PAM: variants seen among roughly 807,000 people sequenced by gnomAD.
PAM encodes the protein peptidyl-glycine alpha-amidating monooxygenase.
Under a neutral mutation model 122.1 loss-of-function variants are expected in PAM, and 72 were observed. The ratio of observed to expected loss-of-function variants is 0.59; its 90% CI spans 0.49 to 0.72. The LOEUF is 0.72. Ranked by LOEUF, PAM falls within the 30% of genes least tolerant of loss-of-function variation. PAM has a pLI of 0.00. For synonymous variants in PAM, 389 were observed against 404.4 expected, an observed-to-expected ratio of 0.96 and a Z score of 0.46; for missense variants, 1,106 against 1,183.7, an observed-to-expected ratio of 0.93 and a Z score of 0.96.
At chr5:102,807,231 T>G (rs1766482040) in intron 1 of PAM, among the ~76,000 whole-genome samples, 1 of 152,210 alleles carries the variant, frequency 6.6e-6, no homozygotes, top group Non-Finnish European at 1.5e-5. Context: ...AATTATATAC[T>G]TATTAAAGTG....
intron 4 of PAM, among the ~76,000 whole-genome samples, chr5:102,911,459 A>G (rs1265837283): frequency 6.6e-6 from 1 of 152,024 alleles, no homozygotes; most frequent in Non-Finnish European, 1.5e-5. Flanking sequence ...AGAGCAAATA[A>G]ATAAGTGGTA....
intron 1 of PAM, among the ~76,000 whole-genome samples, chr5:102,820,643 G>A (rs1377338703): frequency 6.6e-6 from 1 of 152,134 alleles, no homozygotes; most frequent in South Asian, 2.1e-4. Context: ...CTAGATTAGT[G>A]AGGAATACAC....
chr5:102,910,235 C>A (rs1188126704), intron 4 of PAM, among the ~76,000 whole-genome samples: 3 of 151,844 alleles, frequency 2.0e-5, no homozygotes, highest in Non-Finnish European at 4.4e-5. Context: ...GCTTAAAAAG[C>A]CCATAAATCC....
At chr5:102,807,314 A>G (rs1766508657) in intron 1 of PAM, among the ~76,000 whole-genome samples, 2 of 152,218 alleles carry the variant, frequency 1.3e-5, no homozygotes, top group Admixed American at 1.3e-4. Flanking sequence ...TATTTTAAGC[A>G]ATTACTTTAA....
rs148309527 is a variant in PAM at position 103,003,377 on chromosome 5, AT to A, written c.1730+231del. ...ATTTAGATTCACTTATCTGTTTGCC[AT>A]TTGTATGTTTTCTTCTGAGAACTGT... On this transcript the variant is annotated intron_variant, in intron 17 of 25. Coordinates refer to ENST00000438793, the MANE Select transcript of PAM (RefSeq NM_001177306.2). Among the ~76,000 whole-genome samples the A allele has an allele frequency of 5.1e-3, 782 of 152,188 alleles. 5 individuals are homozygous for A. Among genetic ancestry groups the A allele is most frequent in the African/African-American group, 0.018 (745 of 41,540 alleles).
intron 7 of PAM, among the ~76,000 whole-genome samples, chr5:102,934,593 C>T (rs1752649774): frequency 6.6e-6 from 1 of 152,076 alleles, no homozygotes; most frequent in Non-Finnish European, 1.5e-5. Flanking sequence ...CTCTGGTATG[C>T]TTTGATGGGG....
intron 1 of PAM, among the ~76,000 whole-genome samples, chr5:102,811,002 G>A (rs189191379): frequency 3.3e-5 from 5 of 152,262 alleles, no homozygotes; most frequent in African/African-American, 7.2e-5. Context: ...GTGGCAGAGC[G>A]AGGGCTGATT....
At chr5:102,951,996 A>G (rs1239805479) in intron 12 of PAM, among the ~76,000 whole-genome samples, 1 of 152,078 alleles carries the variant, frequency 6.6e-6, no homozygotes, top group Non-Finnish European at 1.5e-5. Context: ...TCTTTACATG[A>G]GGTAACATGA....
intron 1 of PAM, among the ~76,000 whole-genome samples, chr5:102,764,581 G>A (rs1434638803): frequency 1.3e-5 from 2 of 152,144 alleles, no homozygotes; most frequent in African/African-American, 4.8e-5. Flanking sequence ...CAGAAATACG[G>A]GGCGTGAGGG....
At chr5:102,756,070 TA>T (rs1264939579) in intron 1 of PAM, among the ~76,000 whole-genome samples, 1 of 152,130 alleles carries the variant, frequency 6.6e-6, no homozygotes, top group Non-Finnish European at 1.5e-5. Context: ...TCGGAACCTG[TA>T]TGTTGTCATC....
chr5:102,940,296 T>C (rs1041602539), intron 7 of PAM, among the ~76,000 whole-genome samples: 2 of 151,798 alleles, frequency 1.3e-5, no homozygotes, highest in African/African-American at 4.8e-5. Flanking sequence ...TCAATCCCTT[T>C]TCATTTCATG....
intron 1 of PAM, among the ~76,000 whole-genome samples, chr5:102,827,080 T>C (rs974571812): frequency 6.6e-6 from 1 of 152,212 alleles, no homozygotes; most frequent in Non-Finnish European, 1.5e-5. Context: ...AATTCAGTAT[T>C]AAAGGAATAA....
At chr5:102,983,247 C>T (rs898656849) in intron 15 of PAM, among the ~76,000 whole-genome samples, 7 of 151,686 alleles carry the variant, frequency 4.6e-5, no homozygotes, top group African/African-American at 1.7e-4. Context: ...GAGTTTGAGA[C>T]CAGCTGGCCA....
At chr5:102,758,108 T>C (rs11959144) in intron 1 of PAM, among the ~76,000 whole-genome samples, 2,396 of 112,444 alleles carry the variant, frequency 0.021, 85 homozygotes, top group African/African-American at 0.082. Flanking sequence ...TTTTTTTTTT[T>C]CTTGGGGCAA....
At chr5:102,876,296 A>G (rs1457404421) in intron 3 of PAM, among the ~76,000 whole-genome samples, 1 of 152,130 alleles carries the variant, frequency 6.6e-6, no homozygotes, top group African/African-American at 2.4e-5. Flanking sequence ...CTGGATTATT[A>G]TAATATCCCT....
chr5:103,027,525 C>T (rs993327906), intron 24 of PAM, among the ~76,000 whole-genome samples: 2 of 152,144 alleles, frequency 1.3e-5, no homozygotes, highest in Non-Finnish European at 1.5e-5. Context: ...AGTTCTGTCT[C>T]CCCATAAGGA....
intron 4 of PAM, among the ~76,000 whole-genome samples, chr5:102,910,918 A>G (rs1226334352): frequency 6.6e-6 from 1 of 151,946 alleles, no homozygotes; most frequent in Non-Finnish European, 1.5e-5. Context: ...TCTTGTGCCC[A>G]GCACACCTAG....
At chr5:102,947,010 T>A (rs377139871) in intron 8 of PAM, 125 bp downstream of exon 8, 14 of 707,932 alleles carry the variant, frequency 2.0e-5, no homozygotes, top group African/African-American at 5.3e-5. Flanking sequence ...AAACAACAAA[T>A]ATGTATTGTC....
chr5:102,871,940 C>A (rs1380569892), intron 3 of PAM, among the ~76,000 whole-genome samples: 1 of 151,802 alleles, frequency 6.6e-6, no homozygotes, highest in Non-Finnish European at 1.5e-5. Context: ...CTTACAAGTG[C>A]AAACAAATTT....
Sources: allele counts gnomAD v4.1 joint callset (sites outside exome capture counted in the v4.1 genomes callset), GRCh38; gene constraint gnomAD v4.1.1; transcripts MANE v1.5; gene names NCBI Gene and HGNC (gene_info 2026-07-23, HGNC 2026-07-21).